GABBR2: variants seen among roughly 807,000 people sequenced by gnomAD.
GABBR2 encodes the protein G-protein coupled receptor 51.
A neutral mutation model predicts 105.6 loss-of-function variants in GABBR2; 23 were observed. The ratio of observed to expected loss-of-function variants is 0.22; its 90% confidence interval spans 0.16 to 0.31. The LOEUF (loss-of-function observed/expected upper bound fraction) is 0.31. Ranked by LOEUF, GABBR2 falls within the 10% of genes least tolerant of loss-of-function variation. The pLI is 1.00. For synonymous variants in GABBR2, 478 were observed against 499.7 expected (o/e 0.96, Z 0.58); for missense variants, 734 against 1,245.5 (o/e 0.59, Z 6.18).
In GABBR2 at chr9:98,303,438, G is replaced by C; in HGVS notation, c.2230-15C>G. On this transcript the variant is annotated splice_polypyrimidine_tract_variant and intron_variant, in intron 15 of 18. Transcript: ENST00000259455. ...AGGGTGATGAGCTGAAAGGACAAAG[G>C]TTGGGGCGGGGTTGAAGAGAGAGCC... is the stretch of plus-strand genomic sequence containing the variant. 6.2e-7 allele frequency: 1 copy of C among 1,612,312 alleles called. No individual in the cohort carries two copies. Among genetic ancestry groups the C allele is most frequent in the Non-Finnish European group, 8.5e-7 (1 of 1,178,852 alleles).
intron 13 of GABBR2, among the ~76,000 whole-genome samples, chr9:98,332,782 A>G (rs1831050534): frequency 6.6e-6 from 1 of 152,260 alleles, no homozygotes; most frequent in African/African-American, 2.4e-5. Flanking sequence ...CAGACACAGG[A>G]AAATCCTCCA....
intron 3 of GABBR2, among the ~76,000 whole-genome samples, chr9:98,518,102 T>C (rs2779569): frequency 0.046 from 7,027 of 152,306 alleles, 248 homozygotes; most frequent in South Asian, 0.12. Flanking sequence ...CTGGCTTGGT[T>C]AGAGCCCGTG....
intron 17 of GABBR2, among the ~76,000 whole-genome samples, chr9:98,294,995 A>C (rs1199794468): frequency 6.6e-6 from 1 of 152,204 alleles, no homozygotes; most frequent in Non-Finnish European, 1.5e-5. Flanking sequence ...ATTTGGATTC[A>C]TGTGGTCTGG....
At chr9:98,411,992 C>T (rs1002095571) in intron 7 of GABBR2, among the ~76,000 whole-genome samples, 3 of 152,232 alleles carry the variant, frequency 2.0e-5, no homozygotes, top group African/African-American at 7.2e-5. Context: ...AAAACTAATT[C>T]TCTGTTTTCA....
At chr9:98,350,925 T>C (rs1831387945) in intron 13 of GABBR2, among the ~76,000 whole-genome samples, 1 of 152,220 alleles carries the variant, frequency 6.6e-6, no homozygotes, top group African/African-American at 2.4e-5. Context: ...GCTCTGGCAT[T>C]GGGTGCATAT....
chr9:98,633,229 C>T (rs534731513), intron 1 of GABBR2, among the ~76,000 whole-genome samples: 69 of 152,272 alleles, frequency 4.5e-4, no homozygotes, highest in East Asian at 2.7e-3. Flanking sequence ...CTATGAAAAA[C>T]GTGGCAAAAT....
chr9:98,573,237 C>T (rs1371782849), intron 2 of GABBR2, among the ~76,000 whole-genome samples: 1 of 152,216 alleles, frequency 6.6e-6, no homozygotes, highest in Non-Finnish European at 1.5e-5. Flanking sequence ...AGCTCACAAT[C>T]TGATATGGAA....
At chr9:98,532,137 A>T (rs1228975950) in intron 3 of GABBR2, among the ~76,000 whole-genome samples, 3 of 152,268 alleles carry the variant, frequency 2.0e-5, no homozygotes, top group African/African-American at 4.8e-5. Flanking sequence ...CAGAGATATT[A>T]AGATTGTACA....
Position 98,371,289 on chromosome 9 carries a change from C to T in GABBR2, c.1770+175G>A, listed in dbSNP as rs10818828. 0.12 allele frequency among the ~76,000 whole-genome samples: 18,148 copies of T among 152,160 alleles called. 1,562 individuals are homozygous for T. Among genetic ancestry groups the T allele is most frequent in the African/African-American group, 0.24 (10,099 of 41,480 alleles). ...AGCCAGCCCTGATAACTGTGTATTA[C>T]AAATGCTTTGTTAACTGTCCGATTT... On this transcript the variant is annotated intron_variant, in intron 12 of 18. Transcript: ENST00000259455.
At chr9:98,634,924 G>A (rs556768749) in intron 1 of GABBR2, among the ~76,000 whole-genome samples, 5 of 152,138 alleles carry the variant, frequency 3.3e-5, no homozygotes, top group Admixed American at 1.3e-4. Flanking sequence ...TTCTGTTTCC[G>A]GCAACTCCCA....
intron 4 of GABBR2, among the ~76,000 whole-genome samples, chr9:98,486,050 C>A (rs1456412925): frequency 1.3e-5 from 2 of 152,220 alleles, no homozygotes; most frequent in East Asian, 1.9e-4. Flanking sequence ...CAAGACAGAG[C>A]TCCTCCTGCC....
chr9:98,634,113 C>T (rs1829849763), intron 1 of GABBR2, among the ~76,000 whole-genome samples: 1 of 152,198 alleles, frequency 6.6e-6, no homozygotes, highest in Admixed American at 6.5e-5. Flanking sequence ...CACGAGACTG[C>T]CGCTGACTAT....
intron 2 of GABBR2, among the ~76,000 whole-genome samples, chr9:98,564,027 A>AT (rs959501653): frequency 7.4e-6 from 1 of 135,598 alleles, no homozygotes; most frequent in Admixed American, 7.9e-5. Context: ...GGAATCATTT[A>AT]TTTTTTATAC....
chr9:98,463,637 C>T (rs551449809), intron 6 of GABBR2, among the ~76,000 whole-genome samples: 11 of 152,164 alleles, frequency 7.2e-5, no homozygotes, highest in African/African-American at 2.4e-4. Context: ...GTCTCGCTCT[C>T]GCTCTCCGTC....
chr9:98,624,396 C>A (rs949040551), intron 1 of GABBR2, among the ~76,000 whole-genome samples: 1 of 152,122 alleles, frequency 6.6e-6, no homozygotes, highest in Non-Finnish European at 1.5e-5. Flanking sequence ...GCATCTCACC[C>A]CCGTTCCATG....
intron 13 of GABBR2, among the ~76,000 whole-genome samples, chr9:98,358,437 C>T (rs539551852): frequency 7.4e-4 from 113 of 152,346 alleles, no homozygotes; most frequent in African/African-American, 2.6e-3. Context: ...CTCAGGCCTC[C>T]TTGGCTTTCA....
At chr9:98,343,204 T>C (rs948623972) in intron 13 of GABBR2, among the ~76,000 whole-genome samples, 4 of 152,200 alleles carry the variant, frequency 2.6e-5, no homozygotes, top group Non-Finnish European at 4.4e-5. Context: ...ACTGCTCAAA[T>C]GGCCAGAAAG....
intron 13 of GABBR2, among the ~76,000 whole-genome samples, chr9:98,326,026 C>T (rs1031926843): frequency 6.6e-6 from 1 of 152,154 alleles, no homozygotes; most frequent in Non-Finnish European, 1.5e-5. Context: ...GATATGCAGC[C>T]TTGTGCGAAA....
At chr9:98,343,714 C>T (rs537125538) in intron 13 of GABBR2, among the ~76,000 whole-genome samples, 392 of 151,982 alleles carry the variant, frequency 2.6e-3, no homozygotes, top group African/African-American at 9.0e-3. Context: ...AAAAATTAGC[C>T]GGGTATGGTG....
Sources: gnomAD v4.1 joint callset for allele counts (sites outside exome capture counted in the v4.1 genomes callset) on GRCh38, gnomAD v4.1.1 for gene constraint, MANE v1.5 for transcripts, NCBI Gene and HGNC (gene_info 2026-07-23, HGNC 2026-07-21) for gene names.